The following MBNL2 variants were observed in gnomAD, a reference collection of about 807,000 sequenced individuals.
MBNL2 encodes muscleblind-like protein 2.
MBNL2 carries 17 observed loss-of-function variants against 41.9 expected under a neutral mutation model. The observed-to-expected ratio is 0.41, with a 90% CI of 0.28 to 0.61. MBNL2 has a LOEUF of 0.61. Ranked by LOEUF, MBNL2 falls within the 20% of genes least tolerant of loss-of-function variation. The probability of loss-of-function intolerance (pLI) is 0.35; values close to 1 mark genes in which losing one functional copy is unlikely to be tolerated. For missense variants in MBNL2, 336 were observed against 505.6 expected, an observed-to-expected ratio of 0.66 and a Z score of 3.22; for synonymous variants, 195 against 182.9, an observed-to-expected ratio of 1.07 and a Z score of -0.53.
At chr13:97,291,940 C>A (rs1216982973) in intron 2 of MBNL2, among the ~76,000 whole-genome samples, 3 of 127,512 alleles carry the variant, frequency 2.4e-5, no homozygotes, top group African/African-American at 6.3e-5. Context: ...CGGTGGCTCA[C>A]GCCTGTAATC....
At chr13:97,292,583 C>A (rs900817069) in intron 2 of MBNL2, among the ~76,000 whole-genome samples, 8 of 151,778 alleles carry the variant, frequency 5.3e-5, no homozygotes, top group Admixed American at 2.6e-4. Context: ...TTTTTATTTC[C>A]AATTTCAATT....
At chr13:97,185,865 T>C in the MBNL2 span, among the ~76,000 whole-genome samples, 2 of 152,256 alleles carry the variant, frequency 1.3e-5, no homozygotes, top group African/African-American at 4.8e-5. Context: ...GGCAAGGCTC[T>C]AGGCGCTCCA....
At chr13:97,237,351 G>GAGAA (rs1461964946) in intron 1 of MBNL2, among the ~76,000 whole-genome samples, 1 of 152,224 alleles carries the variant, frequency 6.6e-6, no homozygotes, top group Non-Finnish European at 1.5e-5. Context: ...CCTTAATGAA[G>GAGAA]CTTTCATTGG....
chr13:97,382,639 T>C (rs2065566808), intron 8 of MBNL2, among the ~76,000 whole-genome samples: 1 of 152,012 alleles, frequency 6.6e-6, no homozygotes, highest in Non-Finnish European at 1.5e-5. Flanking sequence ...TTCTTCCCCA[T>C]TTCTCTTGAT....
intron 1 of MBNL2, among the ~76,000 whole-genome samples, chr13:97,256,268 CAT>C (rs968663273): frequency 7.3e-5 from 11 of 151,160 alleles, no homozygotes; most frequent in African/African-American, 9.7e-5. Context: ...AGAATCATGA[CAT>C]GTGAAATTCC....
chr13:97,368,556 A>G (rs1171724046), intron 8 of MBNL2, among the ~76,000 whole-genome samples: 1 of 152,224 alleles, frequency 6.6e-6, no homozygotes, highest in Non-Finnish European at 1.5e-5. Context: ...AGATAAAGAA[A>G]TAGTTTGGAG....
At chr13:97,327,126 G>A (rs1386347164) in intron 2 of MBNL2, among the ~76,000 whole-genome samples, 5 of 152,282 alleles carry the variant, frequency 3.3e-5, no homozygotes, top group East Asian at 1.9e-4. Flanking sequence ...AACAACTTAC[G>A]TGGCACAAGG....
chr13:97,272,789 A>C (rs1302928484), intron 1 of MBNL2, among the ~76,000 whole-genome samples: 1 of 152,234 alleles, frequency 6.6e-6, no homozygotes, highest in Admixed American at 6.5e-5. Flanking sequence ...GTATTTCAAA[A>C]TATCATTTGT....
At chr13:97,385,219 AT>A (rs1432037489) in intron 8 of MBNL2, among the ~76,000 whole-genome samples, 1 of 152,134 alleles carries the variant, frequency 6.6e-6, no homozygotes, top group Non-Finnish European at 1.5e-5. Context: ...ATAAAGATGA[AT>A]GAGACAGTCC....
At chr13:97,311,880 C>G (rs1213774256) in intron 2 of MBNL2, among the ~76,000 whole-genome samples, 1 of 152,196 alleles carries the variant, frequency 6.6e-6, no homozygotes, top group Non-Finnish European at 1.5e-5. Context: ...ACCAATATTC[C>G]TCCTTTTGTA....
At chr13:97,222,948 A>T (rs1270515934) in intron 1 of MBNL2, among the ~76,000 whole-genome samples, 1 of 152,216 alleles carries the variant, frequency 6.6e-6, no homozygotes, top group East Asian at 1.9e-4. Flanking sequence ...CATGGTAAAT[A>T]ATCATCGGTT....
At chr13:97,286,443 C>A (rs1195336809) in intron 2 of MBNL2, among the ~76,000 whole-genome samples, 1 of 152,184 alleles carries the variant, frequency 6.6e-6, no homozygotes, top group Non-Finnish European at 1.5e-5. Flanking sequence ...CACCCCAGTC[C>A]AAACCACCAT....
chr13:97,209,051 C>G, the MBNL2 span, among the ~76,000 whole-genome samples: 1 of 152,120 alleles, frequency 6.6e-6, no homozygotes, highest in Admixed American at 6.6e-5. Context: ...ATCAAACTGG[C>G]CAGCCAACCA....
chr13:97,191,215 A>T, the MBNL2 span, among the ~76,000 whole-genome samples: 1 of 151,404 alleles, frequency 6.6e-6, no homozygotes, highest in Non-Finnish European at 1.5e-5. Context: ...CCCCGGAAAA[A>T]TTCCAACCAG....
intron 5 of MBNL2, among the ~76,000 whole-genome samples, chr13:97,354,622 C>T (rs1385361197): frequency 2.0e-5 from 3 of 152,152 alleles, no homozygotes; most frequent in African/African-American, 7.2e-5. Context: ...TTTCATCACA[C>T]TAAGACAGGA....
chr13:97,384,966 G>A (rs2065808127), intron 8 of MBNL2, among the ~76,000 whole-genome samples: 2 of 152,100 alleles, frequency 1.3e-5, no homozygotes. Context: ...GGAGAATGGG[G>A]AGGGAATGTT....
At chr13:97,277,127 C>T (rs2052325758) in intron 2 of MBNL2, among the ~76,000 whole-genome samples, 1 of 152,054 alleles carries the variant, frequency 6.6e-6, no homozygotes, top group African/African-American at 2.4e-5. Context: ...CAGACTGTTT[C>T]AAGAAATGTT....
intron 1 of MBNL2, among the ~76,000 whole-genome samples, chr13:97,273,732 T>A (rs2051567984): frequency 2.0e-5 from 3 of 152,178 alleles, no homozygotes; most frequent in Admixed American, 2.0e-4. Flanking sequence ...GGCTTCTCCC[T>A]TATAAGGGAC....
chr13:97,188,644 A>G, the MBNL2 span, among the ~76,000 whole-genome samples: 2 of 77,944 alleles, frequency 2.6e-5, no homozygotes, highest in African/African-American at 1.1e-4. Context: ...CCAAAAGAGA[A>G]AGGAAAAAAA....
Sources: allele counts gnomAD v4.1 joint callset (sites outside exome capture counted in the v4.1 genomes callset), GRCh38; gene constraint gnomAD v4.1.1; transcripts MANE v1.5; gene names NCBI Gene and HGNC (gene_info 2026-07-23, HGNC 2026-07-21).